The following ZNF385D variants were observed in gnomAD, a reference collection of about 807,000 sequenced individuals.
ZNF385D encodes zinc finger protein 385D, also known as zinc finger protein 659.
ZNF385D carries 15 observed loss-of-function variants against 35.8 expected under a neutral mutation model. That is an observed-to-expected ratio of 0.42 (90% confidence interval 0.28 to 0.64). The LOEUF (loss-of-function observed/expected upper bound fraction) is 0.64, where lower values mean the gene tolerates loss of function less well. ZNF385D is among the 30% of genes least tolerant of loss of function. The pLI is 0.23. For missense variants in ZNF385D, 474 were observed against 494.6 expected (o/e 0.96, Z 0.39); for synonymous variants, 212 against 186.8 (o/e 1.13, Z -1.10).
At chr3:21,830,611 G>C (rs987637529) in intron 3 of ZNF385D, among the ~76,000 whole-genome samples, 1 of 152,056 alleles carries the variant, frequency 6.6e-6, no homozygotes, top group Non-Finnish European at 1.5e-5. Context: ...CCCTTCCCTT[G>C]TCTGTCGAAG....
intron 3 of ZNF385D, among the ~76,000 whole-genome samples, chr3:21,885,312 A>C (rs1575837169): frequency 6.6e-6 from 1 of 152,112 alleles, no homozygotes; most frequent in Non-Finnish European, 1.5e-5. Flanking sequence ...ATATCAACTA[A>C]CATTTGTATT....
intron 3 of ZNF385D, among the ~76,000 whole-genome samples, chr3:22,091,198 A>C (rs1317378666): frequency 1.3e-5 from 2 of 152,186 alleles, no homozygotes; most frequent in African/African-American, 4.8e-5. Flanking sequence ...TGATTGACTG[A>C]AACTTGGACA....
intron 3 of ZNF385D, among the ~76,000 whole-genome samples, chr3:21,906,355 T>C (rs564673852): frequency 6.6e-6 from 1 of 152,274 alleles, no homozygotes; most frequent in South Asian, 2.1e-4. Context: ...TTACAAATTC[T>C]TAGTTGGTAG....
chr3:22,337,956 T>C (rs542055027), intron 2 of ZNF385D, among the ~76,000 whole-genome samples: 3 of 152,328 alleles, frequency 2.0e-5, no homozygotes, highest in South Asian at 4.1e-4. Context: ...CCAAGCTGAC[T>C]GAAGACAGAA....
chr3:21,701,092 C>T (rs929304649), intron 1 of ZNF385D, among the ~76,000 whole-genome samples: 2 of 152,090 alleles, frequency 1.3e-5, no homozygotes, highest in South Asian at 2.1e-4. Context: ...GGTATTATTT[C>T]CTGATGAGTT....
intron 3 of ZNF385D, among the ~76,000 whole-genome samples, chr3:21,912,607 T>C (rs1700015932): frequency 6.6e-6 from 1 of 152,030 alleles, no homozygotes; most frequent in African/African-American, 2.4e-5. Context: ...CAGATACAGA[T>C]TGTGCATCAG....
At chr3:21,666,088 C>A (rs543915616) in intron 1 of ZNF385D, among the ~76,000 whole-genome samples, 1 of 152,154 alleles carries the variant, frequency 6.6e-6, no homozygotes, top group Admixed American at 6.5e-5. Context: ...CCTGCCATCT[C>A]GTTTTTAAAA....
chr3:21,758,527 A>T (rs2070449037), intron 3 of ZNF385D, among the ~76,000 whole-genome samples: 1 of 152,196 alleles, frequency 6.6e-6, no homozygotes, highest in Admixed American at 6.5e-5. Flanking sequence ...AATTTTGTGG[A>T]TGGAGCAGGT....
intron 3 of ZNF385D, among the ~76,000 whole-genome samples, chr3:21,765,081 A>G (rs779668709): frequency 3.3e-5 from 5 of 152,138 alleles, no homozygotes; most frequent in Non-Finnish European, 5.9e-5. Flanking sequence ...GAAGTTTCCA[A>G]AATGAGAGTC....
chr3:22,125,825 A>G (rs534317373), intron 3 of ZNF385D, among the ~76,000 whole-genome samples: 7 of 152,208 alleles, frequency 4.6e-5, no homozygotes, highest in Non-Finnish European at 8.8e-5. Flanking sequence ...TGAAGTCTTT[A>G]GGTATTTCCA....
At chr3:21,586,529 A>AGAT (rs1340839484) in intron 2 of ZNF385D, among the ~76,000 whole-genome samples, 2 of 152,172 alleles carry the variant, frequency 1.3e-5, no homozygotes, top group African/African-American at 4.8e-5. Flanking sequence ...GATTGTAGAG[A>AGAT]GATTAGTTAA....
At chr3:21,776,903 T>C (rs114311345) in intron 3 of ZNF385D, among the ~76,000 whole-genome samples, 2,073 of 152,084 alleles carry the variant, frequency 0.014, 45 homozygotes, top group African/African-American at 0.047. Context: ...GAGTGAATAC[T>C]AGTTCCAGAA....
rs1469327364 is a variant in ZNF385D at position 21,417,552 on chromosome 3, C to T, written c.*3662G>A. ...GCTTTCTGATCTGATTTCTTCAGAACAATTGAAACATTACACTGGTACAAA... is the reference window on the plus strand; with the variant it reads ...GCTTTCTGATCTGATTTCTTCAGAATAATTGAAACATTACACTGGTACAAA... On this transcript the variant is annotated 3_prime_UTR_variant, in exon 8 of 8. Coordinates refer to ENST00000281523, the MANE Select transcript of ZNF385D (RefSeq NM_024697.3). The T allele has an allele frequency of 6.6e-6, 1 of 152,090 alleles. No individual in the cohort carries two copies. Among genetic ancestry groups the T allele is most frequent in the Admixed American group, 6.5e-5 (1 of 15,268 alleles). The allele number at this position is 152,090 out of a possible 1,614,324, so 9.4% of individuals were successfully genotyped here. A position where few individuals can be genotyped will look rare whatever the true frequency, so the allele number is the denominator to read the frequency against.
At chr3:21,828,314 T>G (rs1480173063) in intron 3 of ZNF385D, among the ~76,000 whole-genome samples, 1 of 152,210 alleles carries the variant, frequency 6.6e-6, no homozygotes. Context: ...GGGAAATAGG[T>G]GTTCATAGCT....
intron 2 of ZNF385D, among the ~76,000 whole-genome samples, chr3:22,228,442 G>A (rs190682636): frequency 3.3e-5 from 5 of 152,244 alleles, no homozygotes; most frequent in East Asian, 1.9e-4. Flanking sequence ...GTTCCATGTG[G>A]AAGATCAGTC....
chr3:22,033,303 G>A (rs997646038), intron 3 of ZNF385D, among the ~76,000 whole-genome samples: 2 of 151,840 alleles, frequency 1.3e-5, no homozygotes, highest in Admixed American at 1.3e-4. Context: ...TCTGGAGGCT[G>A]AGGCATGAGA....
At chr3:21,954,119 A>G (rs1383183122) in intron 3 of ZNF385D, among the ~76,000 whole-genome samples, 2 of 151,862 alleles carry the variant, frequency 1.3e-5, no homozygotes, top group Non-Finnish European at 2.9e-5. Context: ...ATAAGATACA[A>G]CATATGTCCT....
chr3:21,706,412 C>T (rs1443314450), intron 1 of ZNF385D, among the ~76,000 whole-genome samples: 1 of 152,072 alleles, frequency 6.6e-6, no homozygotes, highest in Non-Finnish European at 1.5e-5. Flanking sequence ...AAAAAAAGTA[C>T]ATCTTTTGGT....
At chr3:21,864,945 G>A (rs1457104133) in intron 3 of ZNF385D, among the ~76,000 whole-genome samples, 1 of 141,252 alleles carries the variant, frequency 7.1e-6, no homozygotes, top group Non-Finnish European at 1.5e-5. Context: ...CATCGTTAGT[G>A]TGATCATAAT....
Sources: allele counts gnomAD v4.1 joint callset (sites outside exome capture counted in the v4.1 genomes callset), GRCh38; gene constraint gnomAD v4.1.1; transcripts MANE v1.5; gene names NCBI Gene and HGNC (gene_info 2026-07-23, HGNC 2026-07-21).